The following PGBD5 variants were observed in gnomAD, a reference collection of about 807,000 sequenced individuals.
PGBD5 encodes the protein piggyBac transposable element derived 5.
PGBD5 carries 14 observed loss-of-function variants against 47.9 expected under a neutral mutation model. The observed-to-expected ratio is 0.29, with a 90% confidence interval of 0.19 to 0.46. PGBD5 has a LOEUF of 0.46. PGBD5 is among the 20% of genes least tolerant of loss of function. PGBD5 has a pLI of 1.00. For synonymous variants in PGBD5, 316 were observed against 306.3 expected (o/e 1.03, Z -0.33); for missense variants, 635 against 716.0 (o/e 0.89, Z 1.29).
At chr1:230,350,239 C>T (rs753268278) in intron 3 of PGBD5, among the ~76,000 whole-genome samples, 6 of 152,192 alleles carry the variant, frequency 3.9e-5, no homozygotes, top group African/African-American at 7.2e-5. Flanking sequence ...GGCAGGGAGA[C>T]GTCACTTAGG....
intron 4 of PGBD5, among the ~76,000 whole-genome samples, chr1:230,333,726 T>C (rs1381596663): frequency 6.6e-6 from 1 of 152,232 alleles, no homozygotes; most frequent in Non-Finnish European, 1.5e-5. Context: ...CAAGTGTCCT[T>C]CCATGAGTGG....
At chr1:230,345,078 T>C (rs1207601309) in intron 3 of PGBD5, among the ~76,000 whole-genome samples, 1 of 152,174 alleles carries the variant, frequency 6.6e-6, no homozygotes, top group African/African-American at 2.4e-5. Flanking sequence ...ACAGGAGAAA[T>C]CTGCTCTTTT....
At chr1:230,340,669 C>T (rs1301694506) in intron 3 of PGBD5, among the ~76,000 whole-genome samples, 1 of 151,982 alleles carries the variant, frequency 6.6e-6, no homozygotes, top group Non-Finnish European at 1.5e-5. Context: ...TTGGAATTTG[C>T]AGTATCTTTG....
At chr1:230,377,642 G>C in intron 1 of PGBD5, 1 of 1,485,678 alleles carries the variant, frequency 6.7e-7, no homozygotes, top group Non-Finnish European at 9.0e-7. Flanking sequence ...CCGAACAGGT[G>C]CCCTGGTCAA....
Position 230,426,177 on chromosome 1 carries a change from G to T in PGBD5, c.-249C>A. The T allele has an allele frequency of 6.8e-6, 1 of 147,272 alleles. No homozygotes were observed. The highest frequency in any genetic ancestry group is 1.8e-4 in the South Asian group (1 of 5,626). 9.1% of individuals were successfully genotyped at this position (147,272 alleles called of 1,614,324 possible). Reference sequence around the variant, plus strand: ...GCGAGCCGCGCGCGGGGCTGGCAGGGGCGACCCAGAGCGGGCGGGACGCAG... The same window carrying T: ...GCGAGCCGCGCGCGGGGCTGGCAGGTGCGACCCAGAGCGGGCGGGACGCAG... On this transcript the variant is annotated 5_prime_UTR_variant, in exon 1 of 7. Transcript: ENST00000391860.
At chr1:230,394,754 A>C (rs1237939413) in intron 1 of PGBD5, among the ~76,000 whole-genome samples, 1 of 54,586 alleles carries the variant, frequency 1.8e-5, no homozygotes, top group Non-Finnish European at 3.6e-5. Context: ...CCTCCCCTCC[A>C]CTCACGCTCC....
chr1:230,345,403 C>T (rs557608718), intron 3 of PGBD5, among the ~76,000 whole-genome samples: 3 of 152,326 alleles, frequency 2.0e-5, no homozygotes, highest in Admixed American at 2.0e-4. Flanking sequence ...ATAAATCTCT[C>T]CTTTTTCTCC....
intron 3 of PGBD5, among the ~76,000 whole-genome samples, chr1:230,347,476 C>CTTTTTTTTTTTTTT (rs71733326): frequency 8.8e-6 from 1 of 113,454 alleles, no homozygotes; most frequent in Non-Finnish European, 1.8e-5. Context: ...ATTTTCTTTT[C>CTTTTTTTTTTTTTT]TTTTTTTTTT....
At chr1:230,374,800 C>T (rs1374129437) in intron 1 of PGBD5, among the ~76,000 whole-genome samples, 4 of 152,208 alleles carry the variant, frequency 2.6e-5, no homozygotes, top group East Asian at 3.8e-4. Flanking sequence ...CTCCCTCCCA[C>T]GGCTGATATT....
chr1:230,413,944 T>C (rs557460750), intron 1 of PGBD5, among the ~76,000 whole-genome samples: 72 of 152,326 alleles, frequency 4.7e-4, no homozygotes, highest in African/African-American at 1.5e-3. Flanking sequence ...AAAGAAGATA[T>C]GAAGCCTACA....
chr1:230,316,037 A>T lies in PGBD5; in HGVS notation c.*7388T>A, dbSNP rs201207664. 0.012 allele frequency: 505 copies of T among 40,870 alleles called. 25 individuals are homozygous for T. Among genetic ancestry groups the T allele is most frequent in the African/African-American group, 0.045 (415 of 9,316 alleles). The allele number at this position is 40,870 out of a possible 1,614,324, so 2.5% of individuals were successfully genotyped here. ...ATATATGTATGTGTATACATACATA[A>T]GTATATGTGTACACATATATGTATG... On this transcript the variant is annotated 3_prime_UTR_variant, in exon 7 of 7. Coordinates refer to ENST00000391860, the MANE Select transcript of PGBD5 (RefSeq NM_001258311.2).
At chr1:230,351,715 C>T (rs1190609008) in intron 2 of PGBD5, among the ~76,000 whole-genome samples, 2 of 152,176 alleles carry the variant, frequency 1.3e-5, no homozygotes, top group African/African-American at 4.8e-5. Flanking sequence ...TCAAATGACC[C>T]AGTTCCCTGT....
At chr1:230,413,328 T>C (rs567241189) in intron 1 of PGBD5, among the ~76,000 whole-genome samples, 9 of 152,048 alleles carry the variant, frequency 5.9e-5, no homozygotes, top group African/African-American at 2.2e-4. Context: ...TCTGGAGCTG[T>C]TAGGGAGCAG....
At chr1:230,394,968 CGT>C (rs1656892614) in intron 1 of PGBD5, among the ~76,000 whole-genome samples, 1 of 142,066 alleles carries the variant, frequency 7.0e-6, no homozygotes, top group Non-Finnish European at 1.5e-5. Context: ...AAGCTCCTCT[CGT>C]TCCCACCTTC....
chr1:230,377,400 A>G (rs2102723087), intron 1 of PGBD5: 1 of 1,316,496 alleles, frequency 7.6e-7, no homozygotes. Flanking sequence ...TCCTTCATAA[A>G]GGCAGAAGCT....
At position 230,323,414 on chromosome 1, in the gene PGBD5, C is replaced by A. The variant is rs374265486; in HGVS notation, c.*11G>T. The stretch of plus-strand genomic sequence containing the variant: ...TTGCCCCTCCCTTGACCGAGTCCTG[C>A]GCCCCCAGCATCAGTGGGTCGGAGA... On this transcript the variant is annotated 3_prime_UTR_variant, in exon 7 of 7. Transcript: ENST00000391860. The surrounding 1 kb of genome is among the most constrained non-coding windows in gnomAD (Gnocchi z 4.1). 1 of 1,609,834 alleles carries A rather than the reference C, an allele frequency of 6.2e-7. No homozygotes were observed. Among genetic ancestry groups the A allele is most frequent in the East Asian group, 2.2e-5 (1 of 44,858 alleles).
At chr1:230,355,782 C>T (rs1175733736) in intron 2 of PGBD5, among the ~76,000 whole-genome samples, 2 of 152,174 alleles carry the variant, frequency 1.3e-5, no homozygotes, top group African/African-American at 2.4e-5. Flanking sequence ...AAGAAGGCGG[C>T]GTTCCAAGGG....
At chr1:230,332,754 G>C in intron 5 of PGBD5, 90 bp downstream of exon 5, 1 of 1,472,388 alleles carries the variant, frequency 6.8e-7, no homozygotes, top group Non-Finnish European at 9.4e-7. Context: ...ACAGCCCACA[G>C]TGGACGCCAC....
At chr1:230,396,741 G>A (rs1314865362) in intron 1 of PGBD5, among the ~76,000 whole-genome samples, 1 of 151,920 alleles carries the variant, frequency 6.6e-6, no homozygotes, top group South Asian at 2.1e-4. Flanking sequence ...ACCGTGTACT[G>A]ACATGAGATC....
Sources: gnomAD v4.1 joint callset for allele counts (sites outside exome capture counted in the v4.1 genomes callset) on GRCh38, gnomAD v4.1.1 for gene constraint, Gnocchi (gnomAD v3.1) non-coding constraint, MANE v1.5 for transcripts, NCBI Gene and HGNC (gene_info 2026-07-23, HGNC 2026-07-21) for gene names.